MMP16: variants seen among roughly 807,000 people sequenced by gnomAD.
MMP16 encodes matrix metalloproteinase-16.
In MMP16, 12 loss-of-function variants were observed where a neutral mutation model predicts 67.8. That is an observed-to-expected ratio of 0.18 (90% CI 0.11 to 0.29). The LOEUF (loss-of-function observed/expected upper bound fraction) is 0.29. Among genes scored for constraint, MMP16 ranks in the 10% least tolerant of loss-of-function variants. The pLI is 1.00. For missense variants in MMP16, 475 were observed against 765.7 expected (o/e 0.62, Z 4.48); for synonymous variants, 249 against 255.9 (o/e 0.97, Z 0.26).
intron 1 of MMP16, among the ~76,000 whole-genome samples, chr8:88,218,412 T>C (rs972619536): frequency 3.9e-5 from 6 of 151,972 alleles, no homozygotes; most frequent in African/African-American, 7.2e-5. Flanking sequence ...AGATCTAATA[T>C]ACAGCATGGT....
chr8:88,042,720 A>T (rs1808149043), intron 9 of MMP16, among the ~76,000 whole-genome samples: 1 of 152,120 alleles, frequency 6.6e-6, no homozygotes, highest in Non-Finnish European at 1.5e-5. Flanking sequence ...TTATTTTCTA[A>T]AACATTATGA....
intron 4 of MMP16, among the ~76,000 whole-genome samples, chr8:88,142,941 G>A (rs1396498349): frequency 6.6e-6 from 1 of 152,154 alleles, no homozygotes; most frequent in African/African-American, 2.4e-5. Flanking sequence ...GTCTTTATCT[G>A]AAGACTAATA....
intron 1 of MMP16, among the ~76,000 whole-genome samples, chr8:88,286,018 T>C (rs1223250252): frequency 6.6e-6 from 1 of 152,226 alleles, no homozygotes; most frequent in African/African-American, 2.4e-5. Flanking sequence ...GGGTTGAGTG[T>C]ATCATTCTTC....
At chr8:88,149,061 G>A (rs1238272580) in intron 4 of MMP16, among the ~76,000 whole-genome samples, 1 of 152,226 alleles carries the variant, frequency 6.6e-6, no homozygotes, top group Admixed American at 6.5e-5. Context: ...AGCGCAAGGG[G>A]TCAGGGAGTT....
intron 4 of MMP16, among the ~76,000 whole-genome samples, chr8:88,127,556 C>G (rs1301208916): frequency 1.3e-5 from 2 of 151,702 alleles, no homozygotes; most frequent in Non-Finnish European, 2.9e-5. Context: ...GCCATAACCC[C>G]TAAATCACCA....
At chr8:88,223,651 T>C (rs74324839) in intron 1 of MMP16, among the ~76,000 whole-genome samples, 6,790 of 131,128 alleles carry the variant, frequency 0.052, 198 homozygotes, top group Non-Finnish European at 0.069. Flanking sequence ...ATGAAAGCAC[T>C]TGGACACAGG....
In MMP16 at chr8:88,327,288, CA is replaced by C. The variant is rs1357599418; in HGVS notation, c.-83del. 6.1e-5 allele frequency: 96 copies of C among 1,573,820 alleles called. No homozygotes were observed. Among genetic ancestry groups the C allele is most frequent in the East Asian group, 1.1e-4 (5 of 43,932 alleles). ...TCTCCCTCCCTCCCTCGTTTCCTTTCAAAAAAAAGTCCTCCGGGTGGGTAAG... is the reference window on the plus strand; with the variant it reads ...TCTCCCTCCCTCCCTCGTTTCCTTTCAAAAAAAGTCCTCCGGGTGGGTAAG... On this transcript the variant is annotated 5_prime_UTR_variant, in exon 1 of 10. Transcript: ENST00000286614.
chr8:88,114,755 C>G (rs978242271), intron 6 of MMP16, among the ~76,000 whole-genome samples: 2 of 151,964 alleles, frequency 1.3e-5, no homozygotes, highest in Non-Finnish European at 2.9e-5. Flanking sequence ...TTTAGAAACT[C>G]TGTCCTGTCA....
At chr8:88,177,997 CAGG>C (rs1808920414) in intron 3 of MMP16, among the ~76,000 whole-genome samples, 2 of 150,874 alleles carry the variant, frequency 1.3e-5, no homozygotes, top group South Asian at 2.1e-4. Context: ...TATTTAAAGA[CAGG>C]AGGAGACAAA....
chr8:88,222,966 C>A (rs1304500359), intron 1 of MMP16, among the ~76,000 whole-genome samples: 4 of 152,040 alleles, frequency 2.6e-5, no homozygotes, highest in South Asian at 2.1e-4. Flanking sequence ...GGCTAATATG[C>A]AGAATCTACA....
intron 1 of MMP16, among the ~76,000 whole-genome samples, chr8:88,276,452 T>G (rs1189082521): frequency 6.6e-6 from 1 of 152,160 alleles, no homozygotes; most frequent in Non-Finnish European, 1.5e-5. Flanking sequence ...CTCTGCTTCC[T>G]GCACTCAAAT....
chr8:88,162,240 T>G (rs1480001176), intron 4 of MMP16, among the ~76,000 whole-genome samples: 1 of 151,824 alleles, frequency 6.6e-6, no homozygotes, highest in East Asian at 1.9e-4. Context: ...AACTGAAAGG[T>G]TTTAAAAAAG....
intron 8 of MMP16, 77 bp downstream of exon 8, chr8:88,056,051 C>T (rs560477392): frequency 7.8e-6 from 9 of 1,160,068 alleles, no homozygotes; most frequent in Admixed American, 2.8e-5. Flanking sequence ...ACAGCTGATG[C>T]CTCTGATAGA....
rs1326636763 is a variant in MMP16, at chr8:88,217,286, C to T, written c.133-19980G>A. 2.6e-5 allele frequency among the ~76,000 whole-genome samples: 4 copies of T among 152,142 alleles called. No homozygotes were observed. The East Asian group carries it at 7.7e-4, about 29-fold the overall frequency. On this transcript the variant is annotated intron_variant, in intron 1 of 9. Transcript: ENST00000286614. ...TGGTTGTCACTAATCCCAGTTCTCTCAATGTATAAACTGTGGGAATACACG... is the reference window on the plus strand; with the variant it reads ...TGGTTGTCACTAATCCCAGTTCTCTTAATGTATAAACTGTGGGAATACACG...
chr8:88,278,874 C>T, intron 1 of MMP16, among the ~76,000 whole-genome samples: 1 of 152,010 alleles, frequency 6.6e-6, no homozygotes, highest in East Asian at 1.9e-4. Flanking sequence ...AACATAGCTA[C>T]ATAAAATTAA....
chr8:88,308,539 C>G (rs1304942555), intron 1 of MMP16, among the ~76,000 whole-genome samples: 1 of 151,958 alleles, frequency 6.6e-6, no homozygotes, highest in East Asian at 1.9e-4. Context: ...CTCAACGAAA[C>G]CTGAGCAAGA....
intron 4 of MMP16, among the ~76,000 whole-genome samples, chr8:88,120,612 G>A (rs1327318772): frequency 6.6e-6 from 1 of 151,848 alleles, no homozygotes; most frequent in African/African-American, 2.4e-5. Flanking sequence ...GATTTATCAA[G>A]CAGACAAAGG....
chr8:88,056,114 A>T lies in MMP16; in HGVS notation c.1373+14T>A. ...GTTAATTAACTGTTTTTCTCATGAG[A>T]AGTGTATACTGACCTGTCTCCCTTG... On this transcript the variant is annotated intron_variant, in intron 8 of 9. Transcript: ENST00000286614. 6.8e-7 allele frequency: 1 copy of T among 1,467,968 alleles called. No individual in the cohort carries two copies. The allele number at this position is 1,467,968 out of a possible 1,614,324, so 90.9% of individuals were successfully genotyped here. A position where few individuals can be genotyped will look rare whatever the true frequency, so the allele number is the denominator to read the frequency against.
chr8:88,216,232 T>C (rs1809590125), intron 1 of MMP16, among the ~76,000 whole-genome samples: 1 of 152,110 alleles, frequency 6.6e-6, no homozygotes, highest in South Asian at 2.1e-4. Flanking sequence ...CATTATAAAC[T>C]AAAACTAAAA....
Sources: gnomAD v4.1 joint callset for allele counts (sites outside exome capture counted in the v4.1 genomes callset) on GRCh38, gnomAD v4.1.1 for gene constraint, MANE v1.5 for transcripts, NCBI Gene and HGNC (gene_info 2026-07-23, HGNC 2026-07-21) for gene names.